ARMCX4: variants seen among roughly 807,000 people sequenced by gnomAD.
ARMCX4 encodes the protein armadillo repeat containing X-linked 4, also known as armadillo repeat-containing X-linked protein 4.
Under a neutral mutation model 34.7 loss-of-function variants are expected in ARMCX4, and 3 were observed. The observed-to-expected ratio is 0.09, with a 90% confidence interval of 0.04 to 0.22. The LOEUF is 0.22. ARMCX4 is among the 10% of genes least tolerant of loss of function. The probability of loss-of-function intolerance (pLI) is 1.00; values close to 1 mark genes in which losing one functional copy is unlikely to be tolerated. For missense variants in ARMCX4, 1,448 were observed against 1,720.8 expected (o/e 0.84, Z 2.81); for synonymous variants, 513 against 632.8 (o/e 0.81, Z 2.84).
chrX:101,501,609 G>A (rs1333761665), intron 7 of ARMCX4, among the ~76,000 whole-genome samples: 1 of 112,438 alleles, frequency 8.9e-6, no homozygotes, highest in East Asian at 2.8e-4. Flanking sequence ...AGCAGTAGCA[G>A]CAGTTCTGCT....
exon 8 of ARMCX4, chrX:101,505,040 C>T (rs1934417521): frequency 1.8e-5 from 2 of 111,639 alleles, no homozygotes; most frequent in Admixed American, 1.9e-4. Flanking sequence ...TTATCCCCAT[C>T]CAAAGTCATG....
At chrX:101,451,941 A>G (rs1932011033), downstream of ARMCX4, among the ~76,000 whole-genome samples, 1 of 112,355 alleles carries the variant, frequency 8.9e-6, no homozygotes, top group South Asian at 3.7e-4. Context: ...TCAGTGTTCC[A>G]AAGAGTAGAA....
At chrX:101,523,786 A>G (rs782716550) in intron 11 of ARMCX4, among the ~76,000 whole-genome samples, 1 of 112,289 alleles carries the variant, frequency 8.9e-6, no homozygotes, top group Non-Finnish European at 1.9e-5. Context: ...ACAAGACAAT[A>G]TAAATGAATT....
intron 2 of ARMCX4, among the ~76,000 whole-genome samples, chrX:101,434,643 A>AT (rs782747166): frequency 9.1e-6 from 1 of 110,087 alleles, no homozygotes; most frequent in African/African-American, 3.3e-5. Context: ...TTATTTATTT[A>AT]TTTTTTATTA....
At chrX:101,473,565 T>A (rs1755461408) in intron 4 of ARMCX4, among the ~76,000 whole-genome samples, 1 of 108,884 alleles carries the variant, frequency 9.2e-6, no homozygotes, top group South Asian at 4.0e-4. Context: ...GAAGTAAAGC[T>A]CTCCTCAGCA....
At chrX:101,437,625 G>T (rs1930892980) in intron 2 of ARMCX4, among the ~76,000 whole-genome samples, 1 of 110,848 alleles carries the variant, frequency 9.0e-6, no homozygotes, top group African/African-American at 3.3e-5. Flanking sequence ...TTTTTGAAGG[G>T]TTTTTGTGTC....
chrX:101,432,426 G>T (rs969845699), intron 2 of ARMCX4, among the ~76,000 whole-genome samples: 6 of 111,473 alleles, frequency 5.4e-5, no homozygotes, highest in African/African-American at 2.0e-4. Flanking sequence ...ACTTTGGGAG[G>T]CTGAGGCAGT....
rs1196084557 is a variant in ARMCX4 at position 101,514,048 on chromosome X, C to G, written c.*1780+2993C>G. On this transcript the variant is annotated intron_variant and NMD_transcript_variant, in intron 11 of 12. Coordinates refer to the ARMCX4 transcript ENST00000354842. ...TGTTAATCAAGACCAATAACCCCAG[C>G]TAGTACAGCAAATCTGTTCATTGCC... Among the ~76,000 whole-genome samples the G allele has an allele frequency of 3.6e-5, 4 of 111,395 alleles. No homozygotes were observed. The Admixed American group carries it at 3.8e-4, about 11-fold the overall frequency.
chrX:101,525,367 C>A (rs1934942947), intron 11 of ARMCX4, among the ~76,000 whole-genome samples: 2 of 111,798 alleles, frequency 1.8e-5, no homozygotes, highest in South Asian at 7.4e-4. Flanking sequence ...GGGGAGAAAC[C>A]AGAGCAGAAA....
chrX:101,451,449 GA>G (rs782520120), downstream of ARMCX4, among the ~76,000 whole-genome samples: 123 of 112,229 alleles, frequency 1.1e-3, no homozygotes, highest in African/African-American at 3.8e-3. Flanking sequence ...GGAGATGGGG[GA>G]AGGGTGCCAT....
intron 2 of ARMCX4, among the ~76,000 whole-genome samples, chrX:101,439,084 G>C (rs782132553): frequency 8.9e-6 from 1 of 112,014 alleles, no homozygotes; most frequent in Admixed American, 9.5e-5. Context: ...TTTACAATTT[G>C]GCATGTTTTT....
intron 2 of ARMCX4, among the ~76,000 whole-genome samples, chrX:101,421,991 G>GTAGTTATTA (rs1929294291): frequency 2.1e-5 from 2 of 96,398 alleles, no homozygotes; most frequent in African/African-American, 8.3e-5. Context: ...TGGGGGATCA[G>GTAGTTATTA]TTATTATTAT....
chrX:101,484,905 A>G (rs1244830468), upstream of ARMCX4, among the ~76,000 whole-genome samples: 1 of 94,113 alleles, frequency 1.1e-5, no homozygotes, highest in East Asian at 3.2e-4. Flanking sequence ...ATTAGAAAAG[A>G]ATGTCATATT....
rs372746356 is a variant in ARMCX4, at chrX:101,464,897, G to A, written c.-473+18853G>A. On this transcript the variant is annotated intron_variant and NMD_transcript_variant, in intron 4 of 15. Coordinates refer to the ARMCX4 transcript ENST00000433011. ...GGCTTTGGAATCACAGATGGAGTGC[G>A]GAATGCAGGCAAGGGATCTAATACT... 1.4e-4 allele frequency among the ~76,000 whole-genome samples: 16 copies of A among 111,542 alleles called. 3 individuals are homozygous for A. The highest frequency in any genetic ancestry group is 1.4e-3 in the East Asian group (5 of 3,575).
At chrX:101,497,838 C>G (rs1556012320), downstream of ARMCX4, among the ~76,000 whole-genome samples, 2 of 112,124 alleles carry the variant, frequency 1.8e-5, no homozygotes. Context: ...TGGCCACCAA[C>G]TTACTCTACT....
intron 11 of ARMCX4, among the ~76,000 whole-genome samples, chrX:101,514,067 C>A (rs1934656232): frequency 9.0e-6 from 1 of 111,478 alleles, no homozygotes; most frequent in Admixed American, 9.6e-5. Flanking sequence ...CAAATCTGTT[C>A]ATTGCCTGTT....
intron 2 of ARMCX4, among the ~76,000 whole-genome samples, chrX:101,439,173 C>A (rs782722337): frequency 1.1e-3 from 118 of 111,787 alleles, no homozygotes; most frequent in African/African-American, 3.6e-3. Flanking sequence ...CTAGTGGTGA[C>A]AGAATCTCTC....
downstream of ARMCX4, among the ~76,000 whole-genome samples, chrX:101,500,073 C>T (rs1448628170): frequency 9.0e-6 from 1 of 111,388 alleles, no homozygotes; most frequent in Non-Finnish European, 1.9e-5. Flanking sequence ...GAGAAATACT[C>T]GAACATTTTG....
At chrX:101,504,796 T>C (rs1450880972) in intron 7 of ARMCX4, 1 of 111,255 alleles carries the variant, frequency 9.0e-6, no homozygotes, top group African/African-American at 3.3e-5. Flanking sequence ...ATCCTTCTTC[T>C]TGGGCAAAAA....
Sources: gnomAD v4.1 joint callset for allele counts (sites outside exome capture counted in the v4.1 genomes callset) on GRCh38, gnomAD v4.1.1 for gene constraint, MANE v1.5 for transcripts, NCBI Gene and HGNC (gene_info 2026-07-23, HGNC 2026-07-21) for gene names.